The following HAUS6 variants were observed in gnomAD, a reference collection of about 807,000 sequenced individuals.
HAUS6 encodes the protein HAUS augmin like complex subunit 6.
In HAUS6, 80 loss-of-function variants were observed where a neutral mutation model predicts 106.8. That is an observed-to-expected ratio of 0.75 (90% CI 0.63 to 0.90). The LOEUF (loss-of-function observed/expected upper bound fraction) is 0.90, where lower values mean the gene tolerates loss of function less well. Among genes scored for constraint, HAUS6 ranks in the 40% least tolerant of loss-of-function variants. HAUS6 has a pLI of 0.00. For missense variants in HAUS6, 1,155 were observed against 1,118.1 expected (o/e 1.03, Z -0.47); for synonymous variants, 356 against 379.1 (o/e 0.94, Z 0.71).
At chr9:19,076,224 G>A (rs576776340) in intron 11 of HAUS6, among the ~76,000 whole-genome samples, 5 of 151,652 alleles carry the variant, frequency 3.3e-5, no homozygotes, top group African/African-American at 4.8e-5. Flanking sequence ...AAAATTAGAC[G>A]GGTGTGGTGT....
intron 7 of HAUS6, among the ~76,000 whole-genome samples, chr9:19,084,450 T>C (rs1837239738): frequency 6.6e-6 from 1 of 152,114 alleles, no homozygotes; most frequent in South Asian, 2.1e-4. Context: ...ATGGACTTGT[T>C]CACTTTGTGA....
chr9:19,059,129 GGAT>G lies in HAUS6; in HGVS notation c.1766-131_1766-129del, dbSNP rs368129031. The stretch of plus-strand genomic sequence containing the variant: ...TACATGTTCCATAAATATACTGGTT[GGAT>G]GATAAGCCTCCACAATATAACAAAT... On this transcript the variant is annotated intron_variant, in intron 15 of 16. Coordinates refer to ENST00000380502, the MANE Select transcript of HAUS6 (RefSeq NM_017645.5). 3.6e-3 allele frequency: 2,237 copies of G among 613,682 alleles called. 11 individuals are homozygous for G. The highest frequency in any genetic ancestry group is 0.011 in the South Asian group (507 of 46,720). 38.0% of individuals were successfully genotyped at this position (613,682 alleles called of 1,614,324 possible).
intron 7 of HAUS6, among the ~76,000 whole-genome samples, chr9:19,085,152 C>A (rs1837259841): frequency 6.6e-6 from 1 of 152,162 alleles, no homozygotes; most frequent in South Asian, 2.1e-4. Flanking sequence ...GGCTAGCAGT[C>A]TAGAGGTCTC....
At position 19,053,666 on chromosome 9, in the gene HAUS6, C is replaced by T. The variant is rs1303326999; in HGVS notation, c.*2677G>A. The T allele has an allele frequency of 6.6e-6, 1 of 152,056 alleles. No individual in the cohort carries two copies. Among genetic ancestry groups the T allele is most frequent in the Non-Finnish European group, 1.5e-5 (1 of 67,978 alleles). The allele number at this position is 152,056 out of a possible 1,614,324, so 9.4% of individuals were successfully genotyped here. Reference sequence around the variant, plus strand: ...AGCTGATGTATGTCAGTTTATATACCTTTGTATCTTACAAATAGTAAAACA... The same window carrying T: ...AGCTGATGTATGTCAGTTTATATACTTTTGTATCTTACAAATAGTAAAACA... On this transcript the variant is annotated 3_prime_UTR_variant, in exon 17 of 17. Coordinates refer to ENST00000380502, the MANE Select transcript of HAUS6 (RefSeq NM_017645.5).
At chr9:19,056,973 A>G (rs1272062350) in intron 16 of HAUS6, 1 of 152,312 alleles carries the variant, frequency 6.6e-6, no homozygotes, top group Non-Finnish European at 1.5e-5. Flanking sequence ...GTATCACCAG[A>G]TCCTTATCTC....
At position 19,063,108 on chromosome 9, in the gene HAUS6, G is replaced by C; in HGVS notation, c.1529C>G (p.Ser510Ter). Residue 510 changes from serine to a stop codon, truncating the protein, a stop_gained, in exon 14 of 17, where the codon TCA becomes TGA. Transcript: ENST00000380502. LOFTEE classifies it high-confidence loss of function. ...PEFEVENSPL[S>*]DVAKNTESSA... ...ACTCTCTGTATTCTTTGCAACATCT[G>C]ATAATGGAGAATTTTCCACTTCAAA... 1 of 1,603,274 alleles carries C rather than the reference G, an allele frequency of 6.2e-7. No individual in the cohort carries two copies. Among genetic ancestry groups the C allele is most frequent in the South Asian group, 1.1e-5 (1 of 90,142 alleles).
At chr9:19,070,471 A>G (rs889945331) in intron 11 of HAUS6, among the ~76,000 whole-genome samples, 171 bp from the exon 12 acceptor site, 2 of 152,258 alleles carry the variant, frequency 1.3e-5, no homozygotes, top group African/African-American at 4.8e-5. Flanking sequence ...AGTGATGAGC[A>G]GAAAAGTAAT....
chr9:19,069,126 C>A (rs1236741542), intron 12 of HAUS6, among the ~76,000 whole-genome samples: 1 of 152,142 alleles, frequency 6.6e-6, no homozygotes, highest in Non-Finnish European at 1.5e-5. Flanking sequence ...GATACATCCA[C>A]AGCACCAAAT....
rs368991799 is a variant in HAUS6, at chr9:19,078,176, T to C, written c.1191A>G (p.Pro397=). Residue 397 remains proline, a splice_region_variant and synonymous_variant, in exon 10 of 17, where the codon CCA becomes CCG. Coordinates refer to ENST00000380502, the MANE Select transcript of HAUS6 (RefSeq NM_017645.5). ...SPFSLIKGWT[P]SVDLLPPMSP... ...GCAGGGGCAAGTCAACATTACTTAC[T>C]GGAGTCCAACCTTTAATTAGACTGA... The C allele has an allele frequency of 1.9e-6, 3 of 1,604,538 alleles. No homozygotes were observed. In the African/African-American group the frequency reaches 4.0e-5, roughly 22 times the overall value.
intron 9 of HAUS6, among the ~76,000 whole-genome samples, chr9:19,080,007 T>C (rs1453958672): frequency 1.3e-5 from 2 of 149,526 alleles, no homozygotes; most frequent in Non-Finnish European, 3.0e-5. Context: ...AAAACCCATC[T>C]CTACTAAAAA....
In HAUS6 at chr9:19,063,603, A is replaced by G. The variant is rs768239903; in HGVS notation, c.1377-23T>C. 24 of 1,517,054 alleles carry G rather than the reference A, an allele frequency of 1.6e-5. No individual in the cohort carries two copies. The South Asian group carries it at 2.7e-4, about 17-fold the overall frequency. 94.0% of individuals were successfully genotyped at this position (1,517,054 alleles called of 1,614,324 possible). On this transcript the variant is annotated intron_variant, in intron 12 of 16. Transcript: ENST00000380502. ...GGGCTAAAAGGAAAAAAGACAACAA[A>G]TCCAAGTTATAAGGAGAAAAGAATT...
chr9:19,066,936 G>A (rs1284546753), intron 12 of HAUS6, among the ~76,000 whole-genome samples: 1 of 151,430 alleles, frequency 6.6e-6, no homozygotes, highest in Non-Finnish European at 1.5e-5. Context: ...GAGCCCAGGA[G>A]ATCAAGGCTG....
chr9:19,063,689 C>T (rs1374827236), intron 12 of HAUS6, 109 bp from the exon 13 acceptor site: 1 of 829,656 alleles, frequency 1.2e-6, no homozygotes, highest in African/African-American at 1.7e-5. Flanking sequence ...GTTACGATTT[C>T]ACTCAATTCG....
intron 11 of HAUS6, among the ~76,000 whole-genome samples, chr9:19,071,573 C>CTT (rs34684530): frequency 0.021 from 2,253 of 109,356 alleles, 47 homozygotes; most frequent in Admixed American, 0.051. Context: ...AAAATATTTT[C>CTT]TTTTTTTTTT....
At position 19,057,998 on chromosome 9, in the gene HAUS6, T is replaced by G; in HGVS notation, c.2769A>C (p.Thr923=). ...GTAGTTCTCCAAGACTACATGCTAT[T>G]GTGGTTCTCAATCTTTGTTCCACTG... is the stretch of plus-strand genomic sequence containing the variant. ...FSPVEQRLRT[T]IACSLGELPN... Residue 923 remains threonine (T), a synonymous_variant, in exon 16 of 17, where the codon ACA becomes ACC. Coordinates refer to ENST00000380502, the MANE Select transcript of HAUS6 (RefSeq NM_017645.5). The G allele has an allele frequency of 1.2e-6, 2 of 1,611,104 alleles. No individual in the cohort carries two copies. Among genetic ancestry groups the G allele is most frequent in the Non-Finnish European group, 1.7e-6 (2 of 1,177,334 alleles).
At chr9:19,068,781 T>C (rs1311511595) in intron 12 of HAUS6, among the ~76,000 whole-genome samples, 2 of 151,912 alleles carry the variant, frequency 1.3e-5, no homozygotes, top group African/African-American at 4.8e-5. Context: ...TTAATTTCAA[T>C]GAAGAACTAA....
intron 7 of HAUS6, among the ~76,000 whole-genome samples, chr9:19,084,863 C>G (rs1837251798): frequency 6.6e-6 from 1 of 151,894 alleles, no homozygotes; most frequent in East Asian, 1.9e-4. Flanking sequence ...AACTCCTGGC[C>G]TCAAGTGATC....
intron 11 of HAUS6, among the ~76,000 whole-genome samples, chr9:19,071,144 C>A (rs1266482113): frequency 6.6e-6 from 1 of 152,080 alleles, no homozygotes; most frequent in Admixed American, 6.6e-5. Context: ...GAAAAACAGG[C>A]AGTTACAGAA....
chr9:19,075,849 C>T (rs1836987705), intron 11 of HAUS6, among the ~76,000 whole-genome samples: 1 of 151,698 alleles, frequency 6.6e-6, no homozygotes, highest in African/African-American at 2.4e-5. Context: ...CCCAGCTCCT[C>T]AGGAGGCTGA....
Sources: allele counts gnomAD v4.1 joint callset (sites outside exome capture counted in the v4.1 genomes callset), GRCh38; gene constraint gnomAD v4.1.1; transcripts MANE v1.5; gene names NCBI Gene and HGNC (gene_info 2026-07-23, HGNC 2026-07-21).